VWF: variants seen among roughly 807,000 people sequenced by gnomAD.
The protein encoded by VWF is Factor VIII related antigen.
VWF carries 176 observed loss-of-function variants against 308.6 expected under a neutral mutation model. The observed-to-expected ratio is 0.57, with a 90% CI of 0.50 to 0.65. The LOEUF (loss-of-function observed/expected upper bound fraction) is 0.65, where lower values mean the gene tolerates loss of function less well. Among genes scored for constraint, VWF ranks in the 30% least tolerant of loss-of-function variants. The pLI is 0.00. For synonymous variants in VWF, 1,385 were observed against 1,443.4 expected (o/e 0.96, Z 0.92); for missense variants, 3,146 against 3,648.2 (o/e 0.86, Z 3.55).
At chr12:6,121,077 T>C in intron 3 of VWF, 97 bp downstream of exon 3, 1 of 1,544,032 alleles carries the variant, frequency 6.5e-7, no homozygotes. Context: ...ACCTTTCCGC[T>C]CAGACACTGT....
chr12:6,089,098 C>T (rs111616175), intron 6 of VWF, among the ~76,000 whole-genome samples: 2,030 of 152,266 alleles, frequency 0.013, 48 homozygotes, highest in African/African-American at 0.044. Flanking sequence ...CCCTTGGAGC[C>T]ACAACAGCAG....
rs1457474958 is a variant in VWF at position 6,071,290 on chromosome 12, C to T, written c.1156+7G>A. 1.2e-5 allele frequency: 20 copies of T among 1,614,030 alleles called. No individual in the cohort carries two copies. The highest frequency in any genetic ancestry group is 5.5e-5 in the South Asian group (5 of 90,980). On this transcript the variant is annotated splice_region_variant and intron_variant, in intron 10 of 51. Coordinates refer to ENST00000261405, the MANE Select transcript of VWF (RefSeq NM_000552.5). ...AGGAGGAAGAGAATGAGCGGCAGGT[C>T]GCCTACCTGGACATTCTTCATTGCT...
intron 21 of VWF, among the ~76,000 whole-genome samples, chr12:6,029,771 C>T (rs1383751080): frequency 9.2e-5 from 14 of 152,134 alleles, no homozygotes; most frequent in Admixed American, 9.2e-4. Flanking sequence ...ACTATGAAAC[C>T]AATGAGCAGG....
chr12:6,118,059 T>G (rs1017607644), intron 3 of VWF, among the ~76,000 whole-genome samples: 3 of 151,840 alleles, frequency 2.0e-5, no homozygotes, highest in Admixed American at 6.6e-5. Context: ...CTGAAGGAGG[T>G]GACCGAGACA....
chr12:6,036,307 G>A (rs1944335307), intron 19 of VWF, 81 bp downstream of exon 19: 1 of 1,269,874 alleles, frequency 7.9e-7, no homozygotes, highest in South Asian at 1.2e-5. Flanking sequence ...GGAGGCAAGT[G>A]CGGAAGGTCC....
At chr12:6,061,984 C>A (rs901228109) in intron 13 of VWF, among the ~76,000 whole-genome samples, 6 of 152,066 alleles carry the variant, frequency 3.9e-5, no homozygotes, top group African/African-American at 1.4e-4. Context: ...TTTGTTCTGG[C>A]AAACAGTTAC....
intron 5 of VWF, among the ~76,000 whole-genome samples, chr12:6,098,620 TAA>T (rs2136504258): frequency 6.6e-6 from 1 of 151,538 alleles, no homozygotes; most frequent in African/African-American, 2.4e-5. Context: ...CTACTAAAAA[TAA>T]ACAAAAATTA....
chr12:6,076,664 G>A (rs934782132), intron 6 of VWF, among the ~76,000 whole-genome samples: 1 of 152,198 alleles, frequency 6.6e-6, no homozygotes, highest in East Asian at 1.9e-4. Flanking sequence ...ACTGGGTCCT[G>A]AAGGGTAAAC....
chr12:6,118,817 G>A (rs1038846263), intron 3 of VWF, among the ~76,000 whole-genome samples: 14 of 152,188 alleles, frequency 9.2e-5, no homozygotes, highest in African/African-American at 3.1e-4. Flanking sequence ...AAAATCTGGG[G>A]TCACCAAGGT....
At chr12:6,091,026 C>T (rs1015207115) in intron 6 of VWF, among the ~76,000 whole-genome samples, 2 of 152,300 alleles carry the variant, frequency 1.3e-5, no homozygotes, top group African/African-American at 2.4e-5. Flanking sequence ...GGGCTAGGAT[C>T]CAGGTGATGC....
At chr12:5,984,923 C>T (rs1943660396) in intron 40 of VWF, 122 bp downstream of exon 40, 1 of 1,091,558 alleles carries the variant, frequency 9.2e-7, no homozygotes. Context: ...CCAGTCGGTC[C>T]TTACCCACCT....
At chr12:6,047,409 C>T (rs1276978440) in intron 16 of VWF, among the ~76,000 whole-genome samples, 1 of 152,210 alleles carries the variant, frequency 6.6e-6, no homozygotes, top group African/African-American at 2.4e-5. Context: ...GCCAATTCTC[C>T]TCCAGGGCTG....
At chr12:5,999,376 G>A (rs1226160425) in intron 34 of VWF, among the ~76,000 whole-genome samples, 2 of 151,912 alleles carry the variant, frequency 1.3e-5, no homozygotes, top group Non-Finnish European at 2.9e-5. Context: ...AAAGTGACTG[G>A]AGACATAAAA....
intron 13 of VWF, among the ~76,000 whole-genome samples, chr12:6,061,878 A>G (rs1230201573): frequency 6.6e-6 from 1 of 152,244 alleles, no homozygotes; most frequent in Non-Finnish European, 1.5e-5. Context: ...GATTGAATGC[A>G]GCAGTAGATA....
intron 47 of VWF, chr12:5,954,011 G>T: frequency 4.6e-6 from 1 of 215,856 alleles, no homozygotes; most frequent in Non-Finnish European, 9.4e-6. Context: ...AGAAATCTGA[G>T]AGTTATCCTT....
intron 20 of VWF, 92 bp downstream of exon 20, chr12:6,034,596 T>C: frequency 1.3e-6 from 2 of 1,599,118 alleles, no homozygotes; most frequent in African/African-American, 2.7e-5. Flanking sequence ...GAGTTGTTTC[T>C]GCAGACAGAT....
At chr12:6,065,089 A>G (rs749787917) in intron 11 of VWF, 48 bp downstream of exon 11, 2 of 1,613,314 alleles carry the variant, frequency 1.2e-6, no homozygotes, top group Non-Finnish European at 1.7e-6. Context: ...GCAGCTATGC[A>G]GCACCTTGGG....
At chr12:6,006,136 T>C (rs1302456423) in intron 34 of VWF, among the ~76,000 whole-genome samples, 1 of 151,826 alleles carries the variant, frequency 6.6e-6, no homozygotes, top group Non-Finnish European at 1.5e-5. Context: ...AGTAAAAGAG[T>C]AGAGTTTTCG....
At chr12:6,124,060 A>T (rs1205437831) in intron 1 of VWF, among the ~76,000 whole-genome samples, 1 of 152,128 alleles carries the variant, frequency 6.6e-6, no homozygotes, top group African/African-American at 2.4e-5. Context: ...TGGAAGGAAC[A>T]CTGAGATGTC....
Sources: gnomAD v4.1 joint callset for allele counts (sites outside exome capture counted in the v4.1 genomes callset) on GRCh38, gnomAD v4.1.1 for gene constraint, MANE v1.5 for transcripts, NCBI Gene and HGNC (gene_info 2026-07-23, HGNC 2026-07-21) for gene names.